The following SEPTIN11 variants were observed in gnomAD, a reference collection of about 807,000 sequenced individuals.
SEPTIN11 encodes the protein septin-11.
Under a neutral mutation model 51.4 loss-of-function variants are expected in SEPTIN11, and 25 were observed. The ratio of observed to expected loss-of-function variants is 0.49; its 90% confidence interval spans 0.35 to 0.68. The LOEUF is 0.68. SEPTIN11 is among the 30% of genes least tolerant of loss of function. SEPTIN11 has a pLI of 0.00. For synonymous variants in SEPTIN11, 174 were observed against 184.1 expected, an observed-to-expected ratio of 0.95 and a Z score of 0.44; for missense variants, 381 against 520.8, an observed-to-expected ratio of 0.73 and a Z score of 2.61.
At chr4:77,022,634 C>T in intron 7 of SEPTIN11, among the ~76,000 whole-genome samples, 1 of 152,144 alleles carries the variant, frequency 6.6e-6, no homozygotes, top group Non-Finnish European at 1.5e-5. Context: ...GCTGTAGTTT[C>T]CCAACCCCTA....
chr4:76,952,596 C>T (rs1721394338), intron 1 of SEPTIN11, among the ~76,000 whole-genome samples: 1 of 152,196 alleles, frequency 6.6e-6, no homozygotes, highest in Non-Finnish European at 1.5e-5. Flanking sequence ...ACAAACCATT[C>T]AAACCTCAAG....
rs1727011514 is a variant in SEPTIN11 at position 77,036,186 on chromosome 4, A to G, written c.*1674A>G. ...AATTAGTTTCATGGAAGCCTAAACA[A>G]AGCTGGAATAGAAACTACACACTAG... On this transcript the variant is annotated 3_prime_UTR_variant, in exon 10 of 10. Coordinates refer to ENST00000264893, the MANE Select transcript of SEPTIN11 (RefSeq NM_018243.4). The G allele has an allele frequency of 2.0e-6, 2 of 987,400 alleles. No individual in the cohort carries two copies. The highest frequency in any genetic ancestry group is 6.0e-5 in the Admixed American group (1 of 16,558). The allele number at this position is 987,400 out of a possible 1,614,324, so 61.2% of individuals were successfully genotyped here. A position where few individuals can be genotyped will look rare whatever the true frequency, so the allele number is the denominator to read the frequency against.
In SEPTIN11 at chr4:76,984,126, A is replaced by T. The variant is rs542758484; in HGVS notation, c.28-12299A>T. Among the ~76,000 whole-genome samples, 2 of 152,318 alleles carry T rather than the reference A, an allele frequency of 1.3e-5. No individual in the cohort carries two copies. The highest frequency in any genetic ancestry group is 4.8e-5 in the African/African-American group (2 of 41,578). ...TAATTGGTATGTTTATTTCCTCAATATGTATCATGGTTTTGGTCATTTCTG... is the reference window on the plus strand; with the variant it reads ...TAATTGGTATGTTTATTTCCTCAATTTGTATCATGGTTTTGGTCATTTCTG... On this transcript the variant is annotated intron_variant, in intron 1 of 9. Transcript: ENST00000264893. The surrounding 1 kb of genome is among the most constrained non-coding windows in gnomAD (Gnocchi z 4.1).
chr4:77,005,819 G>A lies in SEPTIN11; in HGVS notation c.338+23G>A, dbSNP rs779209245. 217 of 1,601,786 alleles carry A rather than the reference G, an allele frequency of 1.4e-4. 3 individuals carry two copies. The South Asian group carries it at 2.3e-3, about 17-fold the overall frequency. ...CAGGTACATCTTGGGATTTTGGGGGGACATGAATGGATGAGGAGATAGCAG... is the reference window on the plus strand; with the variant it reads ...CAGGTACATCTTGGGATTTTGGGGGAACATGAATGGATGAGGAGATAGCAG... On this transcript the variant is annotated intron_variant, in intron 3 of 9. Coordinates refer to ENST00000264893, the MANE Select transcript of SEPTIN11 (RefSeq NM_018243.4).
chr4:77,020,992 G>T (rs1725677255), intron 7 of SEPTIN11: 1 of 227,020 alleles, frequency 4.4e-6, no homozygotes, highest in Non-Finnish European at 8.6e-6. Context: ...CTGAGCCCAG[G>T]TTTCTGCCAG....
intron 2 of SEPTIN11, among the ~76,000 whole-genome samples, chr4:76,997,767 C>T (rs917003509): frequency 2.6e-5 from 4 of 152,214 alleles, no homozygotes; most frequent in African/African-American, 9.7e-5. Context: ...GATAAATGCT[C>T]ATTGCAGAGC....
chr4:76,956,355 C>G (rs1721558038), intron 1 of SEPTIN11, among the ~76,000 whole-genome samples: 1 of 152,216 alleles, frequency 6.6e-6, no homozygotes, highest in South Asian at 2.1e-4. Context: ...TCTGCTACAG[C>G]AAATTTGTGG....
chr4:76,962,939 C>T (rs1019723592), intron 1 of SEPTIN11, among the ~76,000 whole-genome samples: 15 of 152,134 alleles, frequency 9.9e-5, no homozygotes, highest in African/African-American at 3.4e-4. Context: ...AAAGCTGGGA[C>T]CACTTAGTTC....
At chr4:76,956,772 A>G (rs1721572562) in intron 1 of SEPTIN11, among the ~76,000 whole-genome samples, 1 of 152,020 alleles carries the variant, frequency 6.6e-6, no homozygotes, top group Non-Finnish European at 1.5e-5. Flanking sequence ...GCTCTGAAAG[A>G]CCCTTGGGCT....
intron 1 of SEPTIN11, among the ~76,000 whole-genome samples, chr4:76,986,205 T>A (rs1723020579): frequency 6.6e-6 from 1 of 152,172 alleles, no homozygotes; most frequent in African/African-American, 2.4e-5. Context: ...AGATGCATGC[T>A]AATACATGTT....
intron 1 of SEPTIN11, among the ~76,000 whole-genome samples, chr4:76,978,415 C>T (rs531806075): frequency 5.3e-5 from 8 of 152,126 alleles, no homozygotes; most frequent in African/African-American, 1.2e-4. Context: ...GGGTGGGCCA[C>T]GCATGTCCCT....
At chr4:76,969,046 T>A (rs953420289) in intron 1 of SEPTIN11, among the ~76,000 whole-genome samples, 1 of 152,196 alleles carries the variant, frequency 6.6e-6, no homozygotes, top group South Asian at 2.1e-4. Context: ...CCACATGTTA[T>A]GTTTGGCTTG....
intron 1 of SEPTIN11, among the ~76,000 whole-genome samples, chr4:76,985,735 C>G (rs1197846025): frequency 6.6e-6 from 1 of 152,208 alleles, no homozygotes; most frequent in Non-Finnish European, 1.5e-5. Context: ...TCCCGCGCCT[C>G]ACTCTGTCTC....
chr4:77,021,163 A>C (rs1355240817), intron 7 of SEPTIN11: 2 of 152,920 alleles, frequency 1.3e-5, no homozygotes, highest in Non-Finnish European at 2.9e-5. Flanking sequence ...GTAAAATTCT[A>C]ACAACAAAGA....
At chr4:77,003,844 A>G (rs1724295431) in intron 2 of SEPTIN11, among the ~76,000 whole-genome samples, 1 of 152,194 alleles carries the variant, frequency 6.6e-6, no homozygotes, top group African/African-American at 2.4e-5. Flanking sequence ...ACCATCCTTA[A>G]AGTCATTATA....
intron 4 of SEPTIN11, among the ~76,000 whole-genome samples, chr4:77,013,102 G>C (rs941234807): frequency 5.3e-5 from 8 of 152,212 alleles, no homozygotes; most frequent in African/African-American, 1.4e-4. Flanking sequence ...GAAGGAAGTA[G>C]AGTGAGGAGG....
At chr4:77,039,297 A>G, downstream of SEPTIN11, 2 of 1,099,048 alleles carry the variant, frequency 1.8e-6, no homozygotes, top group Non-Finnish European at 1.1e-6. Flanking sequence ...ACTACCAAAA[A>G]TAGTCATATT....
At chr4:76,990,115 G>A (rs191889151) in intron 1 of SEPTIN11, among the ~76,000 whole-genome samples, 13 of 152,296 alleles carry the variant, frequency 8.5e-5, no homozygotes, top group Admixed American at 5.9e-4. Context: ...TCCCTGCCAT[G>A]TTCTGTTTCT....
intron 5 of SEPTIN11, among the ~76,000 whole-genome samples, chr4:77,016,485 T>C (rs1197252936): frequency 6.9e-6 from 1 of 145,972 alleles, no homozygotes; most frequent in Non-Finnish European, 1.5e-5. Context: ...AAAATATATA[T>C]ATATATGTGT....
Sources: allele counts gnomAD v4.1 joint callset (sites outside exome capture counted in the v4.1 genomes callset), GRCh38; gene constraint gnomAD v4.1.1; non-coding constraint Gnocchi (gnomAD v3.1); transcripts MANE v1.5; gene names NCBI Gene and HGNC (gene_info 2026-07-23, HGNC 2026-07-21).